The following FRYL variants were observed in gnomAD, a reference collection of about 807,000 sequenced individuals.
FRYL encodes the protein protein furry homolog-like.
In FRYL, 150 loss-of-function variants were observed where a neutral mutation model predicts 351.2. That is an observed-to-expected ratio of 0.43 (90% CI 0.37 to 0.49). FRYL has a LOEUF of 0.49. Ranked by LOEUF, FRYL falls within the 20% of genes least tolerant of loss-of-function variation. FRYL has a pLI of 0.00. For synonymous variants in FRYL, 1,153 were observed against 1,257.1 expected, an observed-to-expected ratio of 0.92 and a Z score of 1.75; for missense variants, 3,036 against 3,619.3, an observed-to-expected ratio of 0.84 and a Z score of 4.13.
intron 3 of FRYL, among the ~76,000 whole-genome samples, chr4:48,660,169 T>G (rs1377861913): frequency 1.3e-5 from 2 of 151,880 alleles, no homozygotes; most frequent in Middle Eastern, 3.2e-3. Context: ...CTGAAAGAGC[T>G]CTTAATGGTC....
rs1401865209 is a variant in FRYL at position 48,712,444 on chromosome 4, G to A, written c.-383-1746C>T. 7.9e-5 allele frequency among the ~76,000 whole-genome samples: 12 copies of A among 152,312 alleles called. No homozygotes were observed. The South Asian group carries it at 1.7e-3, about 21-fold the overall frequency. The stretch of plus-strand genomic sequence containing the variant: ...ATGCAGAAGCCTCAAGAGCCGATGC[G>A]ATCAACTGGAAGAAAGGGTATCAGC... On this transcript the variant is annotated intron_variant, in intron 1 of 63. Transcript: ENST00000358350.
chr4:48,528,856 T>C (rs1350178829), intron 50 of FRYL, among the ~76,000 whole-genome samples: 2 of 152,178 alleles, frequency 1.3e-5, no homozygotes, highest in Non-Finnish European at 2.9e-5. Context: ...TGTGTAATAC[T>C]TCCAAAATTT....
chr4:48,602,830 C>A (rs1308636057), intron 12 of FRYL, among the ~76,000 whole-genome samples: 4 of 152,128 alleles, frequency 2.6e-5, no homozygotes, highest in African/African-American at 9.7e-5. Context: ...TTTTACTGTA[C>A]CTTCTCGTGT....
intron 26 of FRYL, chr4:48,571,609 T>C (rs778921200): frequency 2.0e-6 from 2 of 978,360 alleles, no homozygotes; most frequent in Non-Finnish European, 2.4e-6. Context: ...CTAGTTGAAA[T>C]TTCACTTTCT....
intron 36 of FRYL, among the ~76,000 whole-genome samples, 197 bp from the exon 37 acceptor site, chr4:48,551,775 G>A (rs1329506093): frequency 1.3e-5 from 2 of 152,196 alleles, no homozygotes; most frequent in Non-Finnish European, 2.9e-5. Flanking sequence ...AATACAAATG[G>A]ACAGTAAGTA....
At chr4:48,547,802 A>C (rs969138681) in intron 40 of FRYL, 33 bp from the exon 41 acceptor site, 3 of 1,327,614 alleles carry the variant, frequency 2.3e-6, no homozygotes, top group Non-Finnish European at 3.0e-6. Flanking sequence ...ATTATCAATA[A>C]AGAGAAATAA....
At position 48,609,052 on chromosome 4, in the gene FRYL, G is replaced by A; in HGVS notation, c.507C>T (p.Asn169=). 1 of 1,598,908 alleles carries A rather than the reference G, an allele frequency of 6.3e-7. No individual in the cohort carries two copies. Among genetic ancestry groups the A allele is most frequent in the Non-Finnish European group, 8.6e-7 (1 of 1,167,194 alleles). The change falls in exon 9 of 64, where the codon AAC becomes AAT. Residue 169 remains asparagine, a synonymous_variant. Transcript: ENST00000358350. ...FKHKEGYSGT[N]TGNVHIIADL... is the part of the protein sequence containing the mutation. ...CAGCAATAATATGCACATTCCCAGT[G>A]TTGGTTCCTGAATATCTAAAATAAC...
At position 48,499,343 on chromosome 4, in the gene FRYL, G is replaced by A. The variant is rs971896545; in HGVS notation, c.*79C>T. 8.0e-7 allele frequency: 1 copy of A among 1,251,834 alleles called. No individual in the cohort carries two copies. Among genetic ancestry groups the A allele is most frequent in the Non-Finnish European group, 1.2e-6 (1 of 869,038 alleles). 77.5% of individuals were successfully genotyped at this position (1,251,834 alleles called of 1,614,324 possible). A position where few individuals can be genotyped will look rare whatever the true frequency, so the allele number is the denominator to read the frequency against. On this transcript the variant is annotated 3_prime_UTR_variant, in exon 64 of 64. Transcript: ENST00000358350. ...TGCTGCCAGAAAGTTATCAGTGAAT[G>A]CAAGGGTCCATAAAAGGTGCTTGGT...
intron 27 of FRYL, among the ~76,000 whole-genome samples, chr4:48,570,226 A>G (rs1184411824): frequency 6.6e-6 from 1 of 152,024 alleles, no homozygotes; most frequent in African/African-American, 2.4e-5. Flanking sequence ...GGAAATAGTT[A>G]TTTTTCAACA....
chr4:48,596,033 T>C (rs752676211), intron 13 of FRYL, 33 bp from the exon 14 acceptor site: 41 of 1,369,924 alleles, frequency 3.0e-5, no homozygotes, highest in Middle Eastern at 3.6e-4. Flanking sequence ...AAACTTATTA[T>C]AATACTTGCA....
At chr4:48,759,581 C>T (rs755860025) in intron 1 of FRYL, among the ~76,000 whole-genome samples, 2 of 152,112 alleles carry the variant, frequency 1.3e-5, no homozygotes, top group Non-Finnish European at 2.9e-5. Context: ...TTAGAGGGTG[C>T]CCCACTTCCT....
chr4:48,671,455 G>C (rs906448321), intron 3 of FRYL, among the ~76,000 whole-genome samples: 3 of 152,018 alleles, frequency 2.0e-5, no homozygotes, highest in African/African-American at 7.2e-5. Flanking sequence ...ATCACCTGAG[G>C]TCAGGAGTTC....
At chr4:48,509,610 T>C (rs1427664184) in intron 59 of FRYL, among the ~76,000 whole-genome samples, 1 of 152,232 alleles carries the variant, frequency 6.6e-6, no homozygotes, top group Non-Finnish European at 1.5e-5. Flanking sequence ...CAATGCCAGA[T>C]TGGACTTGAA....
chr4:48,609,670 A>G (rs535326276), intron 8 of FRYL, 74 bp downstream of exon 8: 7 of 657,192 alleles, frequency 1.1e-5, no homozygotes, highest in African/African-American at 1.9e-5. Flanking sequence ...CAAACAAATG[A>G]TCAGTAAGAC....
At chr4:48,749,491 T>C (rs904505862) in intron 1 of FRYL, among the ~76,000 whole-genome samples, 2 of 152,162 alleles carry the variant, frequency 1.3e-5, no homozygotes, top group Non-Finnish European at 2.9e-5. Flanking sequence ...GGGCTTCTCT[T>C]AGTGTGAGGA....
intron 18 of FRYL, among the ~76,000 whole-genome samples, chr4:48,587,213 T>C (rs1373163093): frequency 1.3e-5 from 2 of 152,110 alleles, no homozygotes; most frequent in Non-Finnish European, 2.9e-5. Flanking sequence ...TAGGTGTTTA[T>C]ATTGTTTGTT....
chr4:48,655,478 TAAC>T lies in FRYL; in HGVS notation c.-80-20991_-80-20989del, dbSNP rs148944641. On this transcript the variant is annotated intron_variant, in intron 3 of 63. Coordinates refer to ENST00000358350, the MANE Select transcript of FRYL (RefSeq NM_015030.2). ...TATAATACATCCCATTCTTATACAT[TAAC>T]AATATATGTCAACATGCAAAATACT... Among the ~76,000 whole-genome samples, 1,256 of 151,932 alleles carry T rather than the reference TAAC, an allele frequency of 8.3e-3. 16 individuals carry two copies. Among genetic ancestry groups the T allele is most frequent in the Non-Finnish European group, 0.013 (892 of 67,938 alleles).
chr4:48,777,808 C>T (rs1203330686), intron 1 of FRYL, among the ~76,000 whole-genome samples: 1 of 152,078 alleles, frequency 6.6e-6, no homozygotes, highest in Non-Finnish European at 1.5e-5. Context: ...TAGCTGCTTG[C>T]CTGACATCCT....
chr4:48,720,780 G>T (rs28624901), intron 1 of FRYL, among the ~76,000 whole-genome samples: 2 of 152,154 alleles, frequency 1.3e-5, no homozygotes, highest in Non-Finnish European at 2.9e-5. Flanking sequence ...CACTAAGCGT[G>T]ATGTCCTCAA....
Sources: gnomAD v4.1 joint callset for allele counts (sites outside exome capture counted in the v4.1 genomes callset) on GRCh38, gnomAD v4.1.1 for gene constraint, MANE v1.5 for transcripts, NCBI Gene and HGNC (gene_info 2026-07-23, HGNC 2026-07-21) for gene names.